The following FCHO2 variants were observed in gnomAD, a reference collection of about 807,000 sequenced individuals.
FCHO2 encodes the protein FCH and mu domain containing endocytic adaptor 2.
FCHO2 carries 43 observed loss-of-function variants against 114.1 expected under a neutral mutation model. That is an observed-to-expected ratio of 0.38 (90% confidence interval 0.30 to 0.49). FCHO2 has a LOEUF of 0.49. Among genes scored for constraint, FCHO2 ranks in the 20% least tolerant of loss-of-function variants. The pLI, the probability that FCHO2 is intolerant of heterozygous loss-of-function variation, is 0.97. For missense variants in FCHO2, 807 were observed against 950.4 expected, an observed-to-expected ratio of 0.85 and a Z score of 1.98; for synonymous variants, 293 against 315.2, an observed-to-expected ratio of 0.93 and a Z score of 0.75.
chr5:73,001,841 A>T (rs975840817), intron 5 of FCHO2, among the ~76,000 whole-genome samples: 2 of 151,900 alleles, frequency 1.3e-5, no homozygotes, highest in Non-Finnish European at 2.9e-5. Flanking sequence ...TGGGAGGCTA[A>T]AGTACTTGAG....
At chr5:73,077,994 C>G (rs1430693530) in intron 21 of FCHO2, among the ~76,000 whole-genome samples, 186 bp from the exon 22 acceptor site, 1 of 152,002 alleles carries the variant, frequency 6.6e-6, no homozygotes, top group Non-Finnish European at 1.5e-5. Context: ...ATTCTTTTCT[C>G]TCTCTCCATC....
At chr5:72,989,577 A>G (rs1269298159) in intron 3 of FCHO2, 76 bp downstream of exon 3, 3 of 1,109,306 alleles carry the variant, frequency 2.7e-6, no homozygotes, top group Non-Finnish European at 4.0e-6. Flanking sequence ...TTTTGAGGAC[A>G]TAACAGTTCA....
chr5:73,044,051 A>G (rs1756938189), intron 11 of FCHO2, among the ~76,000 whole-genome samples: 1 of 152,020 alleles, frequency 6.6e-6, no homozygotes, highest in Admixed American at 6.5e-5. Context: ...TTGTTGTTTG[A>G]AAGTGTGTAG....
chr5:73,074,925 G>A (rs1051323881), intron 20 of FCHO2, 72 bp downstream of exon 20: 4 of 1,208,796 alleles, frequency 3.3e-6, no homozygotes, highest in Admixed American at 5.7e-5. Flanking sequence ...GGGCTTGGTG[G>A]TAAATTTTAA....
intron 6 of FCHO2, among the ~76,000 whole-genome samples, chr5:73,006,941 C>T (rs938594922): frequency 2.0e-5 from 3 of 152,140 alleles, no homozygotes; most frequent in African/African-American, 7.2e-5. Flanking sequence ...GGAAGACAGA[C>T]ACAAATGTCT....
chr5:73,069,445 C>G (rs1182432084), intron 19 of FCHO2, among the ~76,000 whole-genome samples: 1 of 151,906 alleles, frequency 6.6e-6, no homozygotes, highest in Non-Finnish European at 1.5e-5. Flanking sequence ...CTAGTCAGTC[C>G]CATCTGGGGG....
chr5:73,027,104 A>C (rs1755982767), intron 8 of FCHO2, among the ~76,000 whole-genome samples: 1 of 147,736 alleles, frequency 6.8e-6, no homozygotes, highest in Non-Finnish European at 1.5e-5. Context: ...ATATTAAGGC[A>C]CCTGTGGTCT....
Position 73,017,325 on chromosome 5 carries a change from T to G in FCHO2, c.796+17T>G. On this transcript the variant is annotated intron_variant, in intron 8 of 25. Coordinates refer to ENST00000430046, the MANE Select transcript of FCHO2 (RefSeq NM_138782.3). Reference sequence around the variant, plus strand: ...AAAGACCTGGTAAGATGATAAACTCTGCAAGGAAACATTTTAAATTTTCCC... The same window carrying G: ...AAAGACCTGGTAAGATGATAAACTCGGCAAGGAAACATTTTAAATTTTCCC... 1 of 1,472,534 alleles carries G rather than the reference T, an allele frequency of 6.8e-7. No individual in the cohort carries two copies. The highest frequency in any genetic ancestry group is 9.2e-7 in the Non-Finnish European group (1 of 1,091,202). The allele number at this position is 1,472,534 out of a possible 1,614,324, so 91.2% of individuals were successfully genotyped here. A position where few individuals can be genotyped will look rare whatever the true frequency, so the allele number is the denominator to read the frequency against.
intron 6 of FCHO2, among the ~76,000 whole-genome samples, chr5:73,014,752 T>A (rs1755210239): frequency 6.6e-6 from 1 of 152,108 alleles, no homozygotes. Context: ...GTCTCCTAAT[T>A]TTCTGATCAC....
At chr5:72,963,900 C>G (rs1322355428) in intron 1 of FCHO2, among the ~76,000 whole-genome samples, 1 of 98,840 alleles carries the variant, frequency 1.0e-5, no homozygotes, top group Admixed American at 1.3e-4. Context: ...TGGGAACTTT[C>G]AGTTTTTTTT....
At chr5:73,016,659 A>T (rs1755321675) in intron 7 of FCHO2, among the ~76,000 whole-genome samples, 1 of 118,180 alleles carries the variant, frequency 8.5e-6, no homozygotes, top group Non-Finnish European at 1.7e-5. Flanking sequence ...TTTAAATATT[A>T]AAAAAGATTT....
chr5:72,967,870 T>G (rs982692175), intron 1 of FCHO2, among the ~76,000 whole-genome samples: 2 of 151,924 alleles, frequency 1.3e-5, no homozygotes, highest in Non-Finnish European at 2.9e-5. Flanking sequence ...TCCGCCTGCC[T>G]CCGCCTCCCA....
At chr5:72,989,333 CT>C in intron 2 of FCHO2, 93 bp from the exon 3 acceptor site, 1 of 859,122 alleles carries the variant, frequency 1.2e-6, no homozygotes, top group Non-Finnish European at 1.8e-6. Context: ...TTTGAGGTAT[CT>C]TTTTGTTTTG....
intron 8 of FCHO2, 98 bp from the exon 9 acceptor site, chr5:73,034,555 CAATT>C (rs1756398771): frequency 2.5e-5 from 20 of 794,932 alleles, no homozygotes. Flanking sequence ...GATGCGTTGT[CAATT>C]AAAAGTAGAA....
intron 24 of FCHO2, among the ~76,000 whole-genome samples, chr5:73,084,434 T>G: frequency 6.6e-6 from 1 of 152,070 alleles, no homozygotes; most frequent in Non-Finnish European, 1.5e-5. Flanking sequence ...TCCAGCTAAT[T>G]TTTGTATTTT....
intron 24 of FCHO2, among the ~76,000 whole-genome samples, chr5:73,084,251 G>GT (rs1409665340): frequency 2.6e-5 from 4 of 151,678 alleles, no homozygotes; most frequent in African/African-American, 9.7e-5. Context: ...TTTTTTTAGG[G>GT]TTTGGTTTTG....
chr5:72,977,499 T>G (rs949424752), intron 2 of FCHO2, among the ~76,000 whole-genome samples: 13 of 152,220 alleles, frequency 8.5e-5, no homozygotes, highest in South Asian at 2.1e-4. Flanking sequence ...TTTAAGTTCT[T>G]TGTGGATTCT....
rs774258786 is a variant in FCHO2 at position 73,087,576 on chromosome 5, C to T, written c.2246-13C>T. 42 of 1,612,592 alleles carry T rather than the reference C, an allele frequency of 2.6e-5. No homozygotes were observed. The highest frequency in any genetic ancestry group is 1.2e-4 in the South Asian group (11 of 90,966). The stretch of plus-strand genomic sequence containing the variant: ...TTTTACCCTGTGTAAGTGCTTTATT[C>T]TTTTCTTTGTAGGTTCTGGGTCCCT... On this transcript the variant is annotated splice_polypyrimidine_tract_variant and intron_variant, in intron 24 of 25. Coordinates refer to ENST00000430046, the MANE Select transcript of FCHO2 (RefSeq NM_138782.3).
chr5:72,964,420 G>T (rs1432840523), intron 1 of FCHO2, among the ~76,000 whole-genome samples: 14 of 152,072 alleles, frequency 9.2e-5, no homozygotes, highest in Admixed American at 9.2e-4. Flanking sequence ...GAGTTTCGCT[G>T]TATTGCTCAG....
Sources: gnomAD v4.1 joint callset for allele counts (sites outside exome capture counted in the v4.1 genomes callset) on GRCh38, gnomAD v4.1.1 for gene constraint, MANE v1.5 for transcripts, NCBI Gene and HGNC (gene_info 2026-07-23, HGNC 2026-07-21) for gene names.